Variants in KDM4B observed in about 807,000 individuals in gnomAD.
KDM4B encodes lysine-specific demethylase 4B.
KDM4B carries 32 observed loss-of-function variants against 125.2 expected under a neutral mutation model. The ratio of observed to expected loss-of-function variants is 0.26; its 90% CI spans 0.19 to 0.34. The LOEUF (loss-of-function observed/expected upper bound fraction) is 0.34, where lower values mean the gene tolerates loss of function less well. Ranked by LOEUF, KDM4B falls within the 10% of genes least tolerant of loss-of-function variation. The pLI is 1.00. For missense variants in KDM4B, 1,190 were observed against 1,577.7 expected, an observed-to-expected ratio of 0.75 and a Z score of 4.16; for synonymous variants, 721 against 677.9, an observed-to-expected ratio of 1.06 and a Z score of -0.99.
intron 6 of KDM4B, chr19:5,070,648 C>A (rs2037916895): frequency 5.5e-6 from 1 of 180,232 alleles, no homozygotes; most frequent in East Asian, 1.6e-4. Context: ...TCGGCCCTCC[C>A]AGGGTCCCCT....
intron 1 of KDM4B, among the ~76,000 whole-genome samples, chr19:4,993,614 G>T (rs2035098865): frequency 6.6e-6 from 1 of 150,860 alleles, no homozygotes; most frequent in South Asian, 2.1e-4. Flanking sequence ...TAACTTTTTT[G>T]TTTGTTTTTT....
intron 6 of KDM4B, among the ~76,000 whole-genome samples, chr19:5,048,750 G>T (rs560670614): frequency 6.6e-6 from 1 of 152,386 alleles, no homozygotes; most frequent in South Asian, 2.1e-4. Context: ...GTGACTTGGG[G>T]CAAAGCGTGG....
rs774278798 is a variant in KDM4B at position 5,134,039 on chromosome 19, C to T, written c.2063C>T (p.Thr688Met). 1.9e-5 allele frequency: 30 copies of T among 1,604,232 alleles called. No individual in the cohort carries two copies. The highest frequency in any genetic ancestry group is 6.7e-5 in the African/African-American group (5 of 74,854). Residue 688 changes from threonine (T) to methionine (M), a missense_variant, in exon 14 of 23, where the codon ACG (threonine) becomes ATG (methionine). By Grantham distance (81) the Thr-to-Met change is moderately conservative. Around this residue, in one of 7 missense-constraint regions of KDM4B, gnomAD observed 128 missense variants for 137.8 expected, o/e 0.93. Transcript: ENST00000159111. Reference protein sequence around the residue: ...ARTEPYCAICTLFYPYCQALQ... With the variant: ...ARTEPYCAICMLFYPYCQALQ... ...ACGGAGCCCTACTGCGCCATCTGCA[C>T]GCTCTTCTACCCCTACTGCCAGGTG...
intron 2 of KDM4B, among the ~76,000 whole-genome samples, chr19:5,022,367 C>T (rs2036150453): frequency 6.6e-6 from 1 of 152,176 alleles, no homozygotes; most frequent in Admixed American, 6.5e-5. Context: ...CACAGGACCT[C>T]CGCCCGAGGG....
intron 1 of KDM4B, among the ~76,000 whole-genome samples, chr19:4,987,946 G>C (rs1331808590): frequency 6.6e-6 from 1 of 152,184 alleles, no homozygotes; most frequent in African/African-American, 2.4e-5. Flanking sequence ...CTACTCCCAG[G>C]GTGCAGCAGC....
intron 11 of KDM4B, among the ~76,000 whole-genome samples, chr19:5,128,457 G>A (rs903707246): frequency 1.3e-5 from 2 of 152,230 alleles, no homozygotes; most frequent in African/African-American, 4.8e-5. Flanking sequence ...CCAGTCCCCG[G>A]TGAGGCTGGA....
At chr19:5,061,247 G>A (rs1162851951) in intron 6 of KDM4B, among the ~76,000 whole-genome samples, 4 of 152,218 alleles carry the variant, frequency 2.6e-5, no homozygotes, top group Admixed American at 1.3e-4. Flanking sequence ...CCCCATCCCA[G>A]GCTCCCCATC....
intron 6 of KDM4B, among the ~76,000 whole-genome samples, chr19:5,060,033 G>A (rs544411784): frequency 1.1e-4 from 16 of 152,310 alleles, no homozygotes; most frequent in African/African-American, 3.6e-4. Context: ...GCCTTCCAGG[G>A]CCTCAGAGCT....
chr19:5,073,015 A>G (rs1439324962), intron 7 of KDM4B, among the ~76,000 whole-genome samples: 2 of 152,124 alleles, frequency 1.3e-5, no homozygotes, highest in Non-Finnish European at 2.9e-5. Flanking sequence ...GCTGTAACCA[A>G]CAGTCCCTCT....
At chr19:5,029,105 C>T (rs1342884292) in intron 2 of KDM4B, among the ~76,000 whole-genome samples, 1 of 152,166 alleles carries the variant, frequency 6.6e-6, no homozygotes, top group Admixed American at 6.5e-5. Context: ...GAGACGGAGT[C>T]TCACTATGTT....
intron 1 of KDM4B, among the ~76,000 whole-genome samples, chr19:5,011,253 G>A (rs1465636380): frequency 6.6e-6 from 1 of 152,204 alleles, no homozygotes; most frequent in African/African-American, 2.4e-5. Flanking sequence ...ACTGTGGCCT[G>A]GGTGCTGGCC....
intron 6 of KDM4B, among the ~76,000 whole-genome samples, chr19:5,059,765 G>A (rs1437322009): frequency 1.4e-5 from 2 of 141,684 alleles, no homozygotes; most frequent in African/African-American, 5.3e-5. Flanking sequence ...TGTGGGTGCC[G>A]GTGATGAAAT....
chr19:5,135,607 G>A (rs1428722627), intron 15 of KDM4B, 46 bp downstream of exon 15: 6 of 1,486,664 alleles, frequency 4.0e-6, no homozygotes, highest in Non-Finnish European at 4.5e-6. Flanking sequence ...CTCCTTCAGG[G>A]TGTTGGTGGG....
intron 1 of KDM4B, among the ~76,000 whole-genome samples, chr19:5,008,757 A>ATT (rs61536849): frequency 2.5e-4 from 34 of 137,806 alleles, no homozygotes; most frequent in East Asian, 4.1e-4. Flanking sequence ...CACTTGGCTA[A>ATT]TTTTTTTTTT....
At chr19:5,121,547 G>A (rs1183993870) in intron 11 of KDM4B, among the ~76,000 whole-genome samples, 1 of 152,164 alleles carries the variant, frequency 6.6e-6, no homozygotes, top group East Asian at 1.9e-4. Context: ...CCTCATCTGC[G>A]AGCCGCTCGC....
chr19:5,054,824 C>A (rs2037345809), intron 6 of KDM4B, among the ~76,000 whole-genome samples: 1 of 152,202 alleles, frequency 6.6e-6, no homozygotes, highest in South Asian at 2.1e-4. Context: ...CTGGCCTGGT[C>A]CCCTCCCCAG....
intron 1 of KDM4B, among the ~76,000 whole-genome samples, chr19:4,981,478 G>A (rs1487118653): frequency 6.6e-6 from 1 of 152,186 alleles, no homozygotes; most frequent in African/African-American, 2.4e-5. Context: ...TTCCTGGTCC[G>A]GGGCCTGGTC....
chr19:5,012,683 G>A (rs2035766766), intron 1 of KDM4B, among the ~76,000 whole-genome samples: 1 of 152,234 alleles, frequency 6.6e-6, no homozygotes, highest in Non-Finnish European at 1.5e-5. Context: ...ACGCGGTGGA[G>A]GCTGTTGGGA....
intron 6 of KDM4B, among the ~76,000 whole-genome samples, chr19:5,063,082 T>G (rs1158774256): frequency 6.6e-6 from 1 of 152,112 alleles, no homozygotes; most frequent in Non-Finnish European, 1.5e-5. Context: ...GGGCAGGTTG[T>G]GTCCTCTCCT....
Sources: allele counts gnomAD v4.1 joint callset (sites outside exome capture counted in the v4.1 genomes callset), GRCh38; gene constraint gnomAD v4.1.1; regional missense constraint gnomAD v4.1.1; transcripts MANE v1.5; gene names NCBI Gene and HGNC (gene_info 2026-07-23, HGNC 2026-07-21).